MAGI2: variants seen among roughly 807,000 people sequenced by gnomAD.
The protein encoded by MAGI2 is membrane associated guanylate kinase, WW and PDZ domain containing 2.
A neutral mutation model predicts 133.3 loss-of-function variants in MAGI2; 35 were observed. The ratio of observed to expected loss-of-function variants is 0.26; its 90% CI spans 0.20 to 0.35. The LOEUF (loss-of-function observed/expected upper bound fraction) is 0.35. Among genes scored for constraint, MAGI2 ranks in the 10% least tolerant of loss-of-function variants. MAGI2 has a pLI of 1.00. For missense variants in MAGI2, 1,636 were observed against 1,863.4 expected (o/e 0.88, Z 2.25); for synonymous variants, 729 against 710.6 (o/e 1.03, Z -0.41).
chr7:78,235,799 C>T (rs193052310), intron 10 of MAGI2, among the ~76,000 whole-genome samples: 135 of 152,114 alleles, frequency 8.9e-4, no homozygotes, highest in Middle Eastern at 3.4e-3. Flanking sequence ...ATAAAATAGA[C>T]GATTGTAACT....
intron 6 of MAGI2, among the ~76,000 whole-genome samples, chr7:78,462,332 G>A (rs559006195): frequency 1.3e-5 from 2 of 152,156 alleles, no homozygotes; most frequent in African/African-American, 2.4e-5. Flanking sequence ...ATTCAGCATT[G>A]AAACTAAATA....
At chr7:78,731,528 T>TA in intron 2 of MAGI2, among the ~76,000 whole-genome samples, 1 of 152,142 alleles carries the variant, frequency 6.6e-6, no homozygotes, top group African/African-American at 2.4e-5. Flanking sequence ...ATCCCTAATA[T>TA]ATACTAGCTG....
At chr7:79,388,322 C>T (rs1423720689) in intron 1 of MAGI2, among the ~76,000 whole-genome samples, 2 of 151,956 alleles carry the variant, frequency 1.3e-5, no homozygotes, top group Non-Finnish European at 2.9e-5. Flanking sequence ...GTTCAGACTA[C>T]AGTGACACCT....
chr7:79,088,626 G>A (rs976114194), intron 1 of MAGI2, among the ~76,000 whole-genome samples: 2 of 152,064 alleles, frequency 1.3e-5, no homozygotes, highest in African/African-American at 4.8e-5. Context: ...TGCCTATTCA[G>A]TATGATATTG....
At chr7:78,592,329 A>G (rs1804091124) in intron 3 of MAGI2, among the ~76,000 whole-genome samples, 1 of 145,416 alleles carries the variant, frequency 6.9e-6, no homozygotes, top group Non-Finnish European at 1.5e-5. Flanking sequence ...CCAGAGAGTA[A>G]ATAGTAGACT....
intron 10 of MAGI2, among the ~76,000 whole-genome samples, chr7:78,242,339 G>A (rs1207475110): frequency 1.3e-5 from 2 of 152,336 alleles, no homozygotes; most frequent in East Asian, 3.9e-4. Context: ...GGTTCCCTGA[G>A]CCACTGCATG....
intron 3 of MAGI2, among the ~76,000 whole-genome samples, chr7:78,612,415 T>C (rs1274519004): frequency 3.3e-5 from 5 of 152,046 alleles, no homozygotes; most frequent in African/African-American, 1.2e-4. Context: ...CCAGCTAACA[T>C]GAGAATGAGT....
intron 1 of MAGI2, among the ~76,000 whole-genome samples, chr7:79,271,710 AG>A (rs368116761): frequency 8.6e-4 from 131 of 151,494 alleles, no homozygotes; most frequent in African/African-American, 3.1e-3. Flanking sequence ...TAGAGGTAAA[AG>A]AGATTTTAAC....
intron 1 of MAGI2, among the ~76,000 whole-genome samples, chr7:79,097,989 G>A (rs749174832): frequency 6.6e-6 from 1 of 152,124 alleles, no homozygotes; most frequent in Non-Finnish European, 1.5e-5. Context: ...GGACATGGTG[G>A]CACACGCCTG....
chr7:78,913,179 C>G (rs1798544216), intron 2 of MAGI2, among the ~76,000 whole-genome samples: 1 of 151,908 alleles, frequency 6.6e-6, no homozygotes, highest in Admixed American at 6.6e-5. Context: ...GCTCTGTGTC[C>G]CTGTCCAAAT....
At chr7:78,542,551 G>A (rs1211083271) in intron 3 of MAGI2, among the ~76,000 whole-genome samples, 1 of 152,136 alleles carries the variant, frequency 6.6e-6, no homozygotes, top group African/African-American at 2.4e-5. Context: ...CCCATCTGAA[G>A]CGATGCTATT....
At chr7:79,386,754 G>T (rs933431137) in intron 1 of MAGI2, among the ~76,000 whole-genome samples, 6 of 151,994 alleles carry the variant, frequency 3.9e-5, no homozygotes, top group Non-Finnish European at 7.4e-5. Context: ...TATCCCCATT[G>T]TGGTGGTATT....
chr7:78,755,169 A>G (rs61529720), intron 2 of MAGI2, among the ~76,000 whole-genome samples: 113 of 152,342 alleles, frequency 7.4e-4, no homozygotes, highest in African/African-American at 2.6e-3. Flanking sequence ...AGAATTTATC[A>G]GAACGGGAGA....
At chr7:79,299,783 T>A (rs985854663) in intron 1 of MAGI2, among the ~76,000 whole-genome samples, 1 of 151,620 alleles carries the variant, frequency 6.6e-6, no homozygotes, top group African/African-American at 2.4e-5. Context: ...TAGTGGGAGG[T>A]GTTTGGATCA....
chr7:79,031,086 A>G (rs1810524124), intron 1 of MAGI2, among the ~76,000 whole-genome samples: 1 of 152,152 alleles, frequency 6.6e-6, no homozygotes, highest in Non-Finnish European at 1.5e-5. Flanking sequence ...CATGATATAA[A>G]TCTACCAAGA....
At chr7:78,109,010 T>C (rs2150457701) in intron 20 of MAGI2, among the ~76,000 whole-genome samples, 1 of 152,010 alleles carries the variant, frequency 6.6e-6, no homozygotes, top group Admixed American at 6.6e-5. Flanking sequence ...GAAGGCCTTT[T>C]AAAGAAAATC....
At chr7:78,832,056 A>G (rs1370444309) in intron 2 of MAGI2, among the ~76,000 whole-genome samples, 1 of 152,138 alleles carries the variant, frequency 6.6e-6, no homozygotes, top group Admixed American at 6.6e-5. Flanking sequence ...AATGTTTTTC[A>G]GAATAAGGGT....
At chr7:79,117,995 T>C (rs1489935302) in intron 1 of MAGI2, among the ~76,000 whole-genome samples, 1 of 152,174 alleles carries the variant, frequency 6.6e-6, no homozygotes, top group Non-Finnish European at 1.5e-5. Flanking sequence ...TACAGAAACC[T>C]GTTGTCTCTA....
intron 2 of MAGI2, among the ~76,000 whole-genome samples, chr7:78,938,867 C>A (rs1290091907): frequency 1.3e-5 from 2 of 152,004 alleles, no homozygotes; most frequent in African/African-American, 2.4e-5. Context: ...AGGATAAACA[C>A]AATAGAATAA....
Sources: gnomAD v4.1 joint callset for allele counts (sites outside exome capture counted in the v4.1 genomes callset) on GRCh38, gnomAD v4.1.1 for gene constraint, MANE v1.5 for transcripts, NCBI Gene and HGNC (gene_info 2026-07-23, HGNC 2026-07-21) for gene names.